Variants in TSPAN5 observed in about 807,000 individuals in gnomAD.
TSPAN5 encodes the protein tetraspanin 5.
Under a neutral mutation model 37.1 loss-of-function variants are expected in TSPAN5, and 10 were observed. The observed-to-expected ratio is 0.27, with a 90% CI of 0.17 to 0.46. The LOEUF (loss-of-function observed/expected upper bound fraction) is 0.46. Ranked by LOEUF, TSPAN5 falls within the 20% of genes least tolerant of loss-of-function variation. The probability of loss-of-function intolerance (pLI) is 1.00; values close to 1 mark genes in which losing one functional copy is unlikely to be tolerated. For synonymous variants in TSPAN5, 110 were observed against 118.9 expected, an observed-to-expected ratio of 0.93 and a Z score of 0.48; for missense variants, 195 against 326.6, an observed-to-expected ratio of 0.60 and a Z score of 3.11.
At chr4:98,574,491 G>C (rs1364813810) in intron 1 of TSPAN5, 1 of 152,182 alleles carries the variant, frequency 6.6e-6, no homozygotes, top group Non-Finnish European at 1.5e-5. Flanking sequence ...AATGTTTCCA[G>C]TCTAACAGGG....
intron 2 of TSPAN5, among the ~76,000 whole-genome samples, chr4:98,489,696 G>A (rs192777195): frequency 6.6e-6 from 1 of 152,060 alleles, no homozygotes; most frequent in Non-Finnish European, 1.5e-5. Context: ...ACTCCTAATC[G>A]GGCTAGAGGC....
chr4:98,565,705 C>A (rs114741128), intron 1 of TSPAN5, among the ~76,000 whole-genome samples: 1 of 152,148 alleles, frequency 6.6e-6, no homozygotes, highest in African/African-American at 2.4e-5. Flanking sequence ...TAGCCTTTAT[C>A]ACAAGCAGCT....
rs536201904 is a variant in TSPAN5, at chr4:98,484,975, C to T, written c.279+1763G>A. 259 of 172,284 alleles carry T rather than the reference C, an allele frequency of 1.5e-3. 3 individuals carry two copies. Among genetic ancestry groups the T allele is most frequent in the Non-Finnish European group, 2.1e-3 (171 of 79,790 alleles). The allele number at this position is 172,284 out of a possible 1,614,324, so 10.7% of individuals were successfully genotyped here. On this transcript the variant is annotated intron_variant, in intron 3 of 7. Coordinates refer to ENST00000305798, the MANE Select transcript of TSPAN5 (RefSeq NM_005723.4). ...TAAAAATGAAAAAATTAGCCAGGCA[C>T]GGTGGTAGGCTCCTGTAATCCCAGC...
chr4:98,523,822 GAC>G (rs1236005540), intron 1 of TSPAN5, among the ~76,000 whole-genome samples: 1 of 152,148 alleles, frequency 6.6e-6, no homozygotes, highest in Non-Finnish European at 1.5e-5. Flanking sequence ...TATAAATAGT[GAC>G]ACAGCCAAAT....
intron 1 of TSPAN5, among the ~76,000 whole-genome samples, chr4:98,561,366 C>T (rs1754879667): frequency 6.6e-6 from 1 of 152,258 alleles, no homozygotes; most frequent in African/African-American, 2.4e-5. Context: ...CCTGACCCAA[C>T]ATGGAGAAAC....
rs189742412 is a variant in TSPAN5, at chr4:98,603,359, G to C, written c.81+54787C>G. Among the ~76,000 whole-genome samples, 944 of 152,320 alleles carry C rather than the reference G, an allele frequency of 6.2e-3. 5 individuals carry two copies. Among genetic ancestry groups the C allele is most frequent in the Non-Finnish European group, 9.7e-3 (663 of 68,036 alleles). On this transcript the variant is annotated intron_variant, in intron 1 of 7. Coordinates refer to ENST00000305798, the MANE Select transcript of TSPAN5 (RefSeq NM_005723.4). ...TATCACTGATATCACACATGTTCATGATGTTGCTAAAGGACATTTACCCTG... is the reference window on the plus strand; with the variant it reads ...TATCACTGATATCACACATGTTCATCATGTTGCTAAAGGACATTTACCCTG...
intron 1 of TSPAN5, among the ~76,000 whole-genome samples, chr4:98,514,679 C>T (rs1459210864): frequency 6.6e-6 from 1 of 152,158 alleles, no homozygotes; most frequent in Non-Finnish European, 1.5e-5. Flanking sequence ...GTGCACTCTG[C>T]CTGCTGAACC....
chr4:98,561,918 G>A (rs1223175762), intron 1 of TSPAN5, among the ~76,000 whole-genome samples: 2 of 152,208 alleles, frequency 1.3e-5, no homozygotes, highest in South Asian at 2.1e-4. Flanking sequence ...AGCAGACACT[G>A]TCCAGGAAGA....
intron 2 of TSPAN5, chr4:98,500,214 G>C (rs532347406): frequency 9.9e-5 from 15 of 152,194 alleles, no homozygotes; most frequent in Middle Eastern, 3.4e-3. Flanking sequence ...TGACATTCCT[G>C]AATCAATGAA....
chr4:98,549,110 G>A (rs936744585), intron 1 of TSPAN5, among the ~76,000 whole-genome samples: 1 of 152,104 alleles, frequency 6.6e-6, no homozygotes, highest in African/African-American at 2.4e-5. Flanking sequence ...ATTTTTAGTT[G>A]AGAAATCTCC....
intron 1 of TSPAN5, among the ~76,000 whole-genome samples, chr4:98,617,595 G>C (rs140514118): frequency 6.6e-6 from 1 of 152,230 alleles, no homozygotes; most frequent in Non-Finnish European, 1.5e-5. Context: ...ATGCATTTCC[G>C]TCATGCCAAA....
chr4:98,608,100 C>T (rs1367479795), intron 1 of TSPAN5, among the ~76,000 whole-genome samples: 7 of 152,286 alleles, frequency 4.6e-5, no homozygotes, highest in Non-Finnish European at 7.3e-5. Context: ...GAACCCTATT[C>T]GTTATAGCAT....
intron 1 of TSPAN5, among the ~76,000 whole-genome samples, chr4:98,512,083 C>T (rs901404044): frequency 2.6e-5 from 4 of 151,896 alleles, no homozygotes; most frequent in African/African-American, 9.7e-5. Flanking sequence ...CGTGGTGGTG[C>T]ACACCTGTAG....
intron 1 of TSPAN5, among the ~76,000 whole-genome samples, chr4:98,579,476 A>T (rs1159474604): frequency 1.3e-5 from 2 of 152,130 alleles, no homozygotes. Context: ...TCTGTTTTTT[A>T]AAAAGAGAGA....
chr4:98,595,175 T>C (rs1755735138), intron 1 of TSPAN5, among the ~76,000 whole-genome samples: 3 of 109,670 alleles, frequency 2.7e-5, no homozygotes, highest in South Asian at 6.4e-4. Flanking sequence ...TGGGAGAGTG[T>C]ATGTGTCAAG....
At chr4:98,636,052 A>T (rs983787764) in intron 1 of TSPAN5, among the ~76,000 whole-genome samples, 1 of 152,234 alleles carries the variant, frequency 6.6e-6, no homozygotes, top group African/African-American at 2.4e-5. Context: ...TTACCTCTTT[A>T]TTCTTTACAA....
At chr4:98,489,460 C>A (rs1181940987) in intron 2 of TSPAN5, among the ~76,000 whole-genome samples, 2 of 152,172 alleles carry the variant, frequency 1.3e-5, no homozygotes, top group Admixed American at 6.5e-5. Context: ...AGGGAGTGGG[C>A]AACCCCTTTG....
At chr4:98,653,470 G>C (rs994700886) in intron 1 of TSPAN5, among the ~76,000 whole-genome samples, 4 of 151,966 alleles carry the variant, frequency 2.6e-5, no homozygotes, top group African/African-American at 4.8e-5. Context: ...AAAATGACTT[G>C]GTTCTCCCAA....
intron 2 of TSPAN5, among the ~76,000 whole-genome samples, chr4:98,495,060 G>C (rs1398694807): frequency 3.9e-5 from 6 of 152,156 alleles, no homozygotes; most frequent in Non-Finnish European, 7.4e-5. Flanking sequence ...CTGCCACGAT[G>C]GTGGCACATG....
Sources: gnomAD v4.1 joint callset for allele counts (sites outside exome capture counted in the v4.1 genomes callset) on GRCh38, gnomAD v4.1.1 for gene constraint, MANE v1.5 for transcripts, NCBI Gene and HGNC (gene_info 2026-07-23, HGNC 2026-07-21) for gene names.